The following TSNARE1 variants were observed in gnomAD, a reference collection of about 807,000 sequenced individuals.
TSNARE1 encodes t-SNARE domain-containing protein 1.
Under a neutral mutation model 62.0 loss-of-function variants are expected in TSNARE1, and 49 were observed. That is an observed-to-expected ratio of 0.79 (90% CI 0.63 to 1.00). TSNARE1 has a LOEUF of 1.00. Among genes scored for constraint, TSNARE1 ranks in the 50% least tolerant of loss-of-function variants. The pLI, the probability that TSNARE1 is intolerant of heterozygous loss-of-function variation, is 0.00. For missense variants in TSNARE1, 755 were observed against 700.1 expected (o/e 1.08, Z -0.88); for synonymous variants, 328 against 294.4 (o/e 1.11, Z -1.17).
intron 1 of TSNARE1, among the ~76,000 whole-genome samples, chr8:142,394,040 C>G (rs1052128712): frequency 2.0e-5 from 3 of 152,226 alleles, no homozygotes; most frequent in Non-Finnish European, 2.9e-5. Flanking sequence ...ATTCTCCACC[C>G]GTCCAATCAC....
chr8:142,323,114 T>C (rs540616737), intron 6 of TSNARE1, among the ~76,000 whole-genome samples: 1 of 152,322 alleles, frequency 6.6e-6, no homozygotes, highest in South Asian at 2.1e-4. Context: ...GACGATATTG[T>C]TATTAAAGGC....
At chr8:142,239,136 G>T (rs557245621) in intron 12 of TSNARE1, among the ~76,000 whole-genome samples, 1 of 152,234 alleles carries the variant, frequency 6.6e-6, no homozygotes, top group Non-Finnish European at 1.5e-5. Context: ...GCCTACAGGA[G>T]AGAAAGTTCT....
Position 142,276,431 on chromosome 8 carries a change from G to A in TSNARE1, c.1364-1568C>T, listed in dbSNP as rs115240988. 7,398 of 985,450 alleles carry A rather than the reference G, an allele frequency of 7.5e-3. 109 individuals are homozygous for A. The highest frequency in any genetic ancestry group is 0.072 in the South Asian group (1,541 of 21,288). 61.0% of individuals were successfully genotyped at this position (985,450 alleles called of 1,614,324 possible). A position where few individuals can be genotyped will look rare whatever the true frequency, so the allele number is the denominator to read the frequency against. On this transcript the variant is annotated intron_variant, in intron 11 of 13. Coordinates refer to ENST00000524325, the MANE Select transcript of TSNARE1 (RefSeq NM_145003.5). ...AGGGAGGAGGCGCTAGCCTGGGCCC[G>A]GGCAATGCCCCGCTCACGTGCAAAG...
chr8:142,361,521 G>C (rs1162308967), intron 1 of TSNARE1, among the ~76,000 whole-genome samples: 1 of 152,206 alleles, frequency 6.6e-6, no homozygotes, highest in Non-Finnish European at 1.5e-5. Flanking sequence ...CCCAGACGAG[G>C]GGCCAGGGCA....
chr8:142,387,492 G>GA (rs1212246834), intron 1 of TSNARE1, among the ~76,000 whole-genome samples: 9 of 151,940 alleles, frequency 5.9e-5, no homozygotes, highest in East Asian at 1.9e-4. Flanking sequence ...AATCTTGGAA[G>GA]AAAAAATAAA....
intron 12 of TSNARE1, among the ~76,000 whole-genome samples, chr8:142,255,368 C>T (rs1448475158): frequency 1.4e-5 from 2 of 147,566 alleles, no homozygotes; most frequent in African/African-American, 5.0e-5. Flanking sequence ...ATCACCATCA[C>T]CATCATCATG....
At chr8:142,270,844 G>A in intron 12 of TSNARE1, 1 of 985,442 alleles carries the variant, frequency 1.0e-6, no homozygotes, top group African/African-American at 1.7e-5. Flanking sequence ...GGTCCACTGA[G>A]TCCCACAGGT....
chr8:142,287,250 G>A (rs1352722340), intron 10 of TSNARE1, among the ~76,000 whole-genome samples: 2 of 146,842 alleles, frequency 1.4e-5, no homozygotes, highest in Non-Finnish European at 3.0e-5. Context: ...CCAGGACCCC[G>A]GCCAGATCTC....
At chr8:142,261,649 T>C (rs1818894328) in intron 12 of TSNARE1, among the ~76,000 whole-genome samples, 1 of 152,042 alleles carries the variant, frequency 6.6e-6, no homozygotes, top group African/African-American at 2.4e-5. Flanking sequence ...TTGCTCCTCA[T>C]CCTGGCCACG....
intron 9 of TSNARE1, among the ~76,000 whole-genome samples, chr8:142,302,629 C>A (rs1316451966): frequency 1.3e-5 from 2 of 152,188 alleles, no homozygotes; most frequent in Admixed American, 6.5e-5. Context: ...AAAGGCCCCG[C>A]AAAGCACGGG....
intron 4 of TSNARE1, among the ~76,000 whole-genome samples, chr8:142,342,089 C>A (rs1170518460): frequency 6.6e-6 from 1 of 152,260 alleles, no homozygotes; most frequent in Non-Finnish European, 1.5e-5. Flanking sequence ...AAAGGGGAGG[C>A]CCTGGGGCCA....
Position 142,346,305 on chromosome 8 carries a change from A to G in TSNARE1, c.89-413T>C, listed in dbSNP as rs74515896. Among the ~76,000 whole-genome samples, 144 of 152,348 alleles carry G rather than the reference A, an allele frequency of 9.5e-4. 2 individuals are homozygous for G. In the East Asian group the frequency reaches 0.026, roughly 27 times the overall value. On this transcript the variant is annotated intron_variant, in intron 2 of 13. Coordinates refer to ENST00000524325, the MANE Select transcript of TSNARE1 (RefSeq NM_145003.5). ...GCTCAGAATCATTCTACTGCATTTT[A>G]TAAAAGTGCCACTCCGTAGCGTATG...
chr8:142,402,048 G>A (rs903181814), intron 1 of TSNARE1, among the ~76,000 whole-genome samples: 4 of 152,158 alleles, frequency 2.6e-5, no homozygotes, highest in African/African-American at 9.7e-5. Flanking sequence ...AAGAAATACT[G>A]TAGGGAGAGC....
chr8:142,255,935 C>T (rs201606246), intron 12 of TSNARE1, among the ~76,000 whole-genome samples: 2 of 24,472 alleles, frequency 8.2e-5, no homozygotes, highest in South Asian at 1.6e-3. Context: ...ATCACCATCA[C>T]CATCACCACC....
At chr8:142,272,740 C>T (rs1819806041) in intron 12 of TSNARE1, 2 of 969,088 alleles carry the variant, frequency 2.1e-6, no homozygotes, top group Admixed American at 6.4e-5. Flanking sequence ...GGGCCCCTTG[C>T]AGGTAGGAGC....
chr8:142,256,808 A>T (rs753351304), intron 12 of TSNARE1, among the ~76,000 whole-genome samples: 53 of 152,170 alleles, frequency 3.5e-4, no homozygotes, highest in Non-Finnish European at 6.9e-4. Context: ...GACTCTGGGG[A>T]CAATCCTCAT....
intron 10 of TSNARE1, among the ~76,000 whole-genome samples, chr8:142,290,238 G>C (rs1195171356): frequency 2.0e-5 from 3 of 152,134 alleles, no homozygotes; most frequent in East Asian, 3.9e-4. Context: ...GAGGGGCTGG[G>C]ACTGCCCCGG....
chr8:142,297,634 C>T (rs1050424844), intron 10 of TSNARE1, among the ~76,000 whole-genome samples: 11 of 152,192 alleles, frequency 7.2e-5, no homozygotes, highest in Admixed American at 4.6e-4. Context: ...AAAACCCTGC[C>T]GCCCACCCCC....
chr8:142,289,199 G>C (rs779583651), intron 10 of TSNARE1, among the ~76,000 whole-genome samples: 2 of 152,218 alleles, frequency 1.3e-5, no homozygotes, highest in Admixed American at 6.5e-5. Flanking sequence ...AACAAAGCGG[G>C]AGGCAAAGCC....
Sources: gnomAD v4.1 joint callset for allele counts (sites outside exome capture counted in the v4.1 genomes callset) on GRCh38, gnomAD v4.1.1 for gene constraint, MANE v1.5 for transcripts, NCBI Gene and HGNC (gene_info 2026-07-23, HGNC 2026-07-21) for gene names.